Variants in ST3GAL1 observed in about 807,000 individuals in gnomAD.
The protein encoded by ST3GAL1 is CMP-N-acetylneuraminate-beta-galactosamide-alpha-2,3-sialyltransferase 1.
ST3GAL1 carries 16 observed loss-of-function variants against 34.1 expected under a neutral mutation model. The ratio of observed to expected loss-of-function variants is 0.47; its 90% CI spans 0.32 to 0.71. The LOEUF (loss-of-function observed/expected upper bound fraction) is 0.71, where lower values mean the gene tolerates loss of function less well. Among genes scored for constraint, ST3GAL1 ranks in the 30% least tolerant of loss-of-function variants. The pLI is 0.04. For synonymous variants in ST3GAL1, 191 were observed against 184.7 expected, an observed-to-expected ratio of 1.03 and a Z score of -0.28; for missense variants, 353 against 447.4, an observed-to-expected ratio of 0.79 and a Z score of 1.90.
At chr8:133,505,807 T>C (rs13265525) in intron 2 of ST3GAL1, among the ~76,000 whole-genome samples, 34,845 of 151,828 alleles carry the variant, frequency 0.23, 4,239 homozygotes, top group African/African-American at 0.28. Flanking sequence ...TTCACTATAT[T>C]GGCCAGGCTA....
intron 2 of ST3GAL1, among the ~76,000 whole-genome samples, chr8:133,528,432 G>A (rs554971869): frequency 6.6e-6 from 1 of 152,216 alleles, no homozygotes; most frequent in South Asian, 2.1e-4. Context: ...AATCCTGACT[G>A]CAGGACAGTC....
At position 133,461,800 on chromosome 8, in the gene ST3GAL1, C is replaced by T; in HGVS notation, c.849+75G>A. The T allele has an allele frequency of 6.3e-7, 1 of 1,590,488 alleles. No individual in the cohort carries two copies. Among genetic ancestry groups the T allele is most frequent in the South Asian group, 1.1e-5 (1 of 88,368 alleles). ...GCAGGCTAGGTCTACCTGCCCTCCC[C>T]CTCCCTGGCCTCTCTTGGGAACACA... On this transcript the variant is annotated intron_variant, in intron 9 of 9. Coordinates refer to ENST00000522652, the MANE Select transcript of ST3GAL1 (RefSeq NM_173344.3). This position sits in a 1 kb window ranked among gnomAD's most constrained non-coding sequence, Gnocchi z 4.7.
chr8:133,540,462 A>ACT lies in ST3GAL1; in HGVS notation c.-429+5311_-429+5312insAG, dbSNP rs1475409147. ...CCATGTGACACTGCCCAGAAGGAAA[A>ACT]CAGGCCTGGTTCTCTGAGGGGAAAT... is the stretch of plus-strand genomic sequence containing the variant. On this transcript the variant is annotated intron_variant, in intron 2 of 9. Transcript: ENST00000522652. 3.9e-5 allele frequency among the ~76,000 whole-genome samples: 6 copies of ACT among 152,038 alleles called. No individual in the cohort carries two copies. In the South Asian group the frequency reaches 1.2e-3, roughly 32 times the overall value.
chr8:133,513,666 C>T (rs577879951), intron 2 of ST3GAL1, among the ~76,000 whole-genome samples: 1 of 152,120 alleles, frequency 6.6e-6, no homozygotes, highest in African/African-American at 2.4e-5. Context: ...GAGGCTGAGG[C>T]GGGCGGATCA....
At chr8:133,562,845 TC>T in intron 1 of ST3GAL1, among the ~76,000 whole-genome samples, 1 of 86,220 alleles carries the variant, frequency 1.2e-5, no homozygotes, top group Non-Finnish European at 2.3e-5. Context: ...TTCCTTCCTT[TC>T]TTTCTTTTTT....
At chr8:133,471,362 C>T (rs1171450419) in intron 5 of ST3GAL1, among the ~76,000 whole-genome samples, 3 of 152,086 alleles carry the variant, frequency 2.0e-5, no homozygotes, top group African/African-American at 2.4e-5. Flanking sequence ...AGGTTAGCGC[C>T]GGGACAGGCG....
At chr8:133,464,518 T>C (rs997535334) in intron 7 of ST3GAL1, among the ~76,000 whole-genome samples, 4 of 152,190 alleles carry the variant, frequency 2.6e-5, no homozygotes, top group Admixed American at 1.3e-4. Flanking sequence ...CCCCTTCCCA[T>C]AGAGTCTCCA....
At chr8:133,505,642 G>A (rs1353262892) in intron 2 of ST3GAL1, among the ~76,000 whole-genome samples, 3 of 149,634 alleles carry the variant, frequency 2.0e-5, no homozygotes, top group Non-Finnish European at 4.4e-5. Flanking sequence ...CACTCTTGTC[G>A]CCCAGGGTGG....
At chr8:133,541,246 A>G (rs989854554) in intron 2 of ST3GAL1, among the ~76,000 whole-genome samples, 16 of 150,658 alleles carry the variant, frequency 1.1e-4, no homozygotes, top group Non-Finnish European at 1.5e-4. Context: ...ATGTTTGTCA[A>G]TGCCTGCCTG....
At chr8:133,534,762 T>C (rs973846681) in intron 2 of ST3GAL1, among the ~76,000 whole-genome samples, 1 of 152,084 alleles carries the variant, frequency 6.6e-6, no homozygotes, top group African/African-American at 2.4e-5. Flanking sequence ...TAGCCAGATA[T>C]CATGTCTATC....
At chr8:133,511,942 A>G (rs1817509238) in intron 2 of ST3GAL1, among the ~76,000 whole-genome samples, 1 of 152,304 alleles carries the variant, frequency 6.6e-6, no homozygotes, top group East Asian at 1.9e-4. Flanking sequence ...AGTCCCAGCT[A>G]TTTGGTAGGC....
At chr8:133,477,906 G>A (rs1337478053) in intron 3 of ST3GAL1, among the ~76,000 whole-genome samples, 1 of 152,072 alleles carries the variant, frequency 6.6e-6, no homozygotes, top group East Asian at 1.9e-4. Flanking sequence ...ATCACCTTTT[G>A]GTAGAAAGGG....
At chr8:133,549,426 C>T (rs772704273) in intron 1 of ST3GAL1, among the ~76,000 whole-genome samples, 5 of 151,638 alleles carry the variant, frequency 3.3e-5, no homozygotes, top group Non-Finnish European at 5.9e-5. Context: ...AGATATAAGG[C>T]GGTAATCTAT....
In ST3GAL1 at chr8:133,571,210, G is replaced by T. The variant is rs1819558014; in HGVS notation, c.-582+483C>A. Among the ~76,000 whole-genome samples the T allele has an allele frequency of 6.6e-6, 1 of 152,194 alleles. No homozygotes were observed. Among genetic ancestry groups the T allele is most frequent in the Non-Finnish European group, 1.5e-5 (1 of 68,040 alleles). On this transcript the variant is annotated intron_variant, in intron 1 of 9. Transcript: ENST00000522652. The surrounding 1 kb of genome is among the most constrained non-coding windows in gnomAD (Gnocchi z 6.7). ...CGGCCTCCGCGGTGTCCCAGCCTGT[G>T]ACCCCAAATCCGCTCGAGAGCGCCT...
At chr8:133,464,463 T>TAAAGGGA (rs1305264192) in intron 7 of ST3GAL1, among the ~76,000 whole-genome samples, 1 of 152,202 alleles carries the variant, frequency 6.6e-6, no homozygotes, top group Admixed American at 6.5e-5. Flanking sequence ...ACTTCAGAAA[T>TAAAGGGA]AAAGGGAGGC....
chr8:133,497,227 C>T (rs374572808), intron 3 of ST3GAL1, among the ~76,000 whole-genome samples: 34 of 152,286 alleles, frequency 2.2e-4, no homozygotes, highest in South Asian at 4.1e-4. Context: ...TTTTTGAATC[C>T]GGATTCCTGC....
chr8:133,492,233 G>C (rs1171177498), intron 3 of ST3GAL1, among the ~76,000 whole-genome samples: 2 of 152,128 alleles, frequency 1.3e-5, no homozygotes, highest in Non-Finnish European at 2.9e-5. Context: ...ACCATGGAGA[G>C]ACTGAGATAC....
intron 5 of ST3GAL1, among the ~76,000 whole-genome samples, chr8:133,472,708 C>T (rs1033520710): frequency 2.0e-5 from 3 of 152,164 alleles, no homozygotes; most frequent in African/African-American, 7.2e-5. Context: ...GAGGGTGAAG[C>T]CCCATTCCTT....
chr8:133,510,911 C>T (rs1817483352), intron 2 of ST3GAL1, among the ~76,000 whole-genome samples: 2 of 152,324 alleles, frequency 1.3e-5, no homozygotes, highest in East Asian at 1.9e-4. Context: ...GTGACTGCGG[C>T]GGCCAATCTT....
Sources: allele counts gnomAD v4.1 joint callset (sites outside exome capture counted in the v4.1 genomes callset), GRCh38; gene constraint gnomAD v4.1.1; non-coding constraint Gnocchi (gnomAD v3.1); transcripts MANE v1.5; gene names NCBI Gene and HGNC (gene_info 2026-07-23, HGNC 2026-07-21).